MYO9A: variants seen among roughly 807,000 people sequenced by gnomAD.
The protein encoded by MYO9A is myosin IXA.
In MYO9A, 103 loss-of-function variants were observed where a neutral mutation model predicts 293.3. That is an observed-to-expected ratio of 0.35 (90% confidence interval 0.30 to 0.41). The LOEUF is 0.41. Ranked by LOEUF, MYO9A falls within the 10% of genes least tolerant of loss-of-function variation. The pLI, the probability that MYO9A is intolerant of heterozygous loss-of-function variation, is 1.00. For missense variants in MYO9A, 2,685 were observed against 3,033.0 expected (o/e 0.89, Z 2.69); for synonymous variants, 1,001 against 1,035.7 (o/e 0.97, Z 0.64).
intron 2 of MYO9A, among the ~76,000 whole-genome samples, chr15:72,044,355 G>A (rs957469232): frequency 3.3e-5 from 5 of 150,592 alleles, no homozygotes; most frequent in African/African-American, 2.5e-5. Flanking sequence ...GCGGTGAGCC[G>A]AGACCGCACC....
chr15:71,898,748 A>G lies in MYO9A; in HGVS notation c.3755T>C (p.Val1252Ala). The change falls in exon 25 of 42, where the codon GTA (valine) becomes GCA (alanine). Residue 1252 changes from valine to alanine, a missense_variant. By Grantham distance (64) the Val-to-Ala change is moderately conservative (BLOSUM62 0). This residue lies in a region of MYO9A where 1,434 missense variants were observed against 1,497.7 expected (regional missense o/e 0.96). Coordinates refer to ENST00000356056, the MANE Select transcript of MYO9A (RefSeq NM_006901.4). ...CTCCAAGGATCTGGGTCTCTCTCTTACAAGCACATCTTCCTGCAAGTCCAC... is the reference window on the plus strand; with the variant it reads ...CTCCAAGGATCTGGGTCTCTCTCTTGCAAGCACATCTTCCTGCAAGTCCAC... ...SGVDLQEDVL[V>A]RERPRSLEDL... 2 of 1,614,036 alleles carry G rather than the reference A, an allele frequency of 1.2e-6. No homozygotes were observed. Among genetic ancestry groups the G allele is most frequent in the East Asian group, 2.2e-5 (1 of 44,876 alleles).
intron 3 of MYO9A, among the ~76,000 whole-genome samples, chr15:72,028,240 A>ATATATATATATATATATATAT (rs1429916158): frequency 2.5e-5 from 2 of 79,702 alleles, no homozygotes; most frequent in African/African-American, 8.1e-5. Flanking sequence ...TATATATATA[A>ATATATATATATATATATATAT]ATATATATAT....
chr15:71,879,861 A>C (rs1361441977), intron 29 of MYO9A, 24 bp from the exon 30 acceptor site: 18 of 1,448,266 alleles, frequency 1.2e-5, no homozygotes, highest in Non-Finnish European at 1.6e-5. Context: ...AACGAGTTTT[A>C]GTACACAATC....
chr15:72,049,562 G>C (rs2078492015), intron 1 of MYO9A, among the ~76,000 whole-genome samples: 1 of 152,214 alleles, frequency 6.6e-6, no homozygotes, highest in Non-Finnish European at 1.5e-5. Flanking sequence ...TCCATGGCCT[G>C]TCAGAAACTG....
chr15:72,035,367 ACGAAATGTC>A (rs776340937), intron 2 of MYO9A, among the ~76,000 whole-genome samples: 80 of 144,366 alleles, frequency 5.5e-4, no homozygotes, highest in Non-Finnish European at 8.0e-4. Context: ...CTTGAAAATA[ACGAAATGTC>A]CACCAACAAA....
Position 72,118,053 on chromosome 15 carries a change from G to GCCGCGT in MYO9A, c.-451_-446dup, listed in dbSNP as rs1241093376. The GCCGCGT allele has an allele frequency of 3.8e-5, 15 of 396,034 alleles. No individual in the cohort carries two copies. The highest frequency in any genetic ancestry group is 6.7e-5 in the Non-Finnish European group (15 of 224,446). 24.5% of individuals were successfully genotyped at this position (396,034 alleles called of 1,614,324 possible). On this transcript the variant is annotated 5_prime_UTR_variant, in exon 1 of 42. Transcript: ENST00000356056. ...CTCTCAACAGACACAGCCAACCGCC[G>GCCGCGT]CCGCGTCCCTTATCCGCTTCGGTCG...
intron 13 of MYO9A, among the ~76,000 whole-genome samples, chr15:71,961,876 C>G (rs138053796): frequency 6.6e-6 from 1 of 152,028 alleles, no homozygotes; most frequent in Non-Finnish European, 1.5e-5. Flanking sequence ...TGCATCACCA[C>G]GTCTGGCTAA....
chr15:71,911,382 A>T (rs2057846180), intron 19 of MYO9A, among the ~76,000 whole-genome samples: 1 of 152,212 alleles, frequency 6.6e-6, no homozygotes, highest in South Asian at 2.1e-4. Context: ...TATGAAAACA[A>T]GCTTAATGTA....
intron 34 of MYO9A, among the ~76,000 whole-genome samples, chr15:71,859,455 T>C (rs1283825311): frequency 2.0e-5 from 3 of 152,342 alleles, no homozygotes; most frequent in African/African-American, 4.8e-5. Flanking sequence ...GTATGAAACC[T>C]CAATGCAGTG....
chr15:71,986,379 T>G (rs985107774), intron 11 of MYO9A, among the ~76,000 whole-genome samples: 2 of 152,152 alleles, frequency 1.3e-5, no homozygotes, highest in Admixed American at 6.5e-5. Flanking sequence ...ATCAGAAACC[T>G]CTTTGGGTCT....
intron 1 of MYO9A, among the ~76,000 whole-genome samples, chr15:72,101,665 A>G (rs1596577043): frequency 8.6e-6 from 1 of 116,872 alleles, no homozygotes; most frequent in African/African-American, 3.3e-5. Flanking sequence ...CCGCCCGGCC[A>G]GCCGCCCCGT....
intron 32 of MYO9A, among the ~76,000 whole-genome samples, chr15:71,864,694 T>G (rs895119713): frequency 6.6e-6 from 1 of 152,198 alleles, no homozygotes; most frequent in Non-Finnish European, 1.5e-5. Flanking sequence ...ATAGATGAAC[T>G]TCAAAAACAT....
chr15:72,059,691 G>T (rs2078823864), intron 1 of MYO9A, among the ~76,000 whole-genome samples: 1 of 152,124 alleles, frequency 6.6e-6, no homozygotes, highest in Non-Finnish European at 1.5e-5. Context: ...TCAATCCTAA[G>T]ATTTTCATGA....
chr15:71,963,374 C>A (rs187389056), intron 13 of MYO9A, among the ~76,000 whole-genome samples: 1 of 150,660 alleles, frequency 6.6e-6, no homozygotes, highest in African/African-American at 2.4e-5. Flanking sequence ...AGTGAGCCAC[C>A]ACACCTGGCT....
intron 1 of MYO9A, among the ~76,000 whole-genome samples, chr15:72,069,382 G>T (rs926875695): frequency 1.3e-5 from 2 of 151,538 alleles, no homozygotes; most frequent in Non-Finnish European, 1.5e-5. Context: ...GCTTGTTAAG[G>T]GTAGAATATT....
rs182288606 is a variant in MYO9A, at chr15:71,848,263, T to C, written c.6837+582A>G. Among the ~76,000 whole-genome samples the C allele has an allele frequency of 5.4e-4, 82 of 151,660 alleles. 2 individuals are homozygous for C. Among genetic ancestry groups the C allele is most frequent in the Admixed American group, 4.8e-3 (74 of 15,272 alleles). ...GAGAACTGGAGTTATATGTTACTGG[T>C]TGCAAAGGAAGATATTAAAAAGTGG... is the stretch of plus-strand genomic sequence containing the variant. On this transcript the variant is annotated intron_variant, in intron 39 of 41. Coordinates refer to ENST00000356056, the MANE Select transcript of MYO9A (RefSeq NM_006901.4).
intron 18 of MYO9A, among the ~76,000 whole-genome samples, chr15:71,919,312 G>A (rs1416614703): frequency 1.3e-5 from 2 of 151,842 alleles, no homozygotes; most frequent in East Asian, 3.9e-4. Flanking sequence ...GTGGTGGCGA[G>A]TGCCTGCGGT....
intron 1 of MYO9A, among the ~76,000 whole-genome samples, chr15:72,115,728 G>C (rs12901886): frequency 1.3e-5 from 2 of 152,010 alleles, no homozygotes; most frequent in African/African-American, 4.8e-5. Context: ...CATCATCACA[G>C]CTAGTCACAC....
Position 71,993,281 on chromosome 15 carries a change from C to T in MYO9A, c.1587+1188G>A, listed in dbSNP as rs377760343. On this transcript the variant is annotated intron_variant, in intron 10 of 41. Coordinates refer to ENST00000356056, the MANE Select transcript of MYO9A (RefSeq NM_006901.4). ...AGGAGAATCACTTGAACCCAGGAGA[C>T]GGAGGTTGCAATGAGCCAAGATCAT... Among the ~76,000 whole-genome samples, 22 of 151,848 alleles carry T rather than the reference C, an allele frequency of 1.4e-4. 1 individual carries two copies. The East Asian group carries it at 2.1e-3, about 15-fold the overall frequency.
Sources: allele counts gnomAD v4.1 joint callset (sites outside exome capture counted in the v4.1 genomes callset), GRCh38; gene constraint gnomAD v4.1.1; regional missense constraint gnomAD v4.1.1; transcripts MANE v1.5; gene names NCBI Gene and HGNC (gene_info 2026-07-23, HGNC 2026-07-21).